MDGA2: variants seen among roughly 807,000 people sequenced by gnomAD.
MDGA2 encodes MAM domain-containing glycosylphosphatidylinositol anchor protein 2.
MDGA2 carries 40 observed loss-of-function variants against 117.8 expected under a neutral mutation model. The observed-to-expected ratio is 0.34, with a 90% CI of 0.26 to 0.44. The LOEUF is 0.44. Among genes scored for constraint, MDGA2 ranks in the 20% least tolerant of loss-of-function variants. MDGA2 has a pLI of 1.00. For missense variants in MDGA2, 1,123 were observed against 1,250.6 expected (o/e 0.90, Z 1.54); for synonymous variants, 452 against 439.0 (o/e 1.03, Z -0.37).
chr14:46,997,512 T>C (rs1325309821), intron 8 of MDGA2, among the ~76,000 whole-genome samples: 1 of 152,162 alleles, frequency 6.6e-6, no homozygotes, highest in African/African-American at 2.4e-5. Context: ...TGGGGGTTTG[T>C]TATTCTTAAA....
intron 1 of MDGA2, among the ~76,000 whole-genome samples, chr14:47,591,628 G>C (rs984663643): frequency 2.0e-5 from 3 of 152,112 alleles, no homozygotes; most frequent in Non-Finnish European, 4.4e-5. Context: ...CAGGATGCAA[G>C]TCTGGTTCAA....
intron 3 of MDGA2, among the ~76,000 whole-genome samples, chr14:47,154,163 C>T (rs1342839072): frequency 6.6e-6 from 1 of 152,120 alleles, no homozygotes; most frequent in Non-Finnish European, 1.5e-5. Flanking sequence ...GTTTGTTTTT[C>T]CTTAAGCTGA....
intron 3 of MDGA2, among the ~76,000 whole-genome samples, chr14:47,188,659 C>A (rs1884999637): frequency 6.6e-6 from 1 of 152,120 alleles, no homozygotes; most frequent in African/African-American, 2.4e-5. Flanking sequence ...AAATAAGATT[C>A]TCTTCTTAGG....
At chr14:46,959,753 A>G (rs1009586334) in intron 8 of MDGA2, among the ~76,000 whole-genome samples, 6 of 152,140 alleles carry the variant, frequency 3.9e-5, no homozygotes, top group Admixed American at 1.3e-4. Flanking sequence ...CTCTGTTTCT[A>G]CTACTCCGAT....
chr14:47,343,745 T>G (rs925498722), intron 1 of MDGA2, among the ~76,000 whole-genome samples: 1 of 152,190 alleles, frequency 6.6e-6, no homozygotes, highest in African/African-American at 2.4e-5. Flanking sequence ...TTCTTAAAGC[T>G]TTCCCTAGTG....
At chr14:47,085,372 TTAAAGTAAC>T (rs1890859892) in intron 6 of MDGA2, among the ~76,000 whole-genome samples, 1 of 152,174 alleles carries the variant, frequency 6.6e-6, no homozygotes, top group Non-Finnish European at 1.5e-5. Context: ...TGTTGGCTCT[TTAAAGTAAC>T]TAAGGAATTT....
intron 1 of MDGA2, among the ~76,000 whole-genome samples, chr14:47,651,606 T>G (rs1480977123): frequency 6.6e-6 from 1 of 151,888 alleles, no homozygotes; most frequent in Non-Finnish European, 1.5e-5. Flanking sequence ...ACAGGCTTGA[T>G]GTATGGATGT....
intron 6 of MDGA2, among the ~76,000 whole-genome samples, chr14:47,074,294 G>A (rs1890407409): frequency 6.7e-6 from 1 of 149,444 alleles, no homozygotes. Context: ...ATTCTCACCA[G>A]TAACAGAACT....
At chr14:47,230,815 A>G (rs1272250490) in intron 2 of MDGA2, among the ~76,000 whole-genome samples, 3 of 152,008 alleles carry the variant, frequency 2.0e-5, no homozygotes, top group Non-Finnish European at 4.4e-5. Flanking sequence ...TATACATTAA[A>G]GAGGACCATT....
intron 1 of MDGA2, among the ~76,000 whole-genome samples, chr14:47,306,833 G>C (rs912258111): frequency 2.5e-5 from 2 of 78,606 alleles, no homozygotes; most frequent in Admixed American, 3.6e-4. Context: ...GACAGAGAAA[G>C]AGAAAGAGGG....
intron 1 of MDGA2, among the ~76,000 whole-genome samples, chr14:47,667,614 A>G (rs1897998789): frequency 6.6e-6 from 1 of 152,198 alleles, no homozygotes; most frequent in Non-Finnish European, 1.5e-5. Context: ...CTGTTTTGCC[A>G]TTATTTAAAG....
intron 1 of MDGA2, among the ~76,000 whole-genome samples, chr14:47,587,345 CT>C (rs1896344435): frequency 6.6e-6 from 1 of 151,654 alleles, no homozygotes; most frequent in African/African-American, 2.4e-5. Context: ...ATATTTATTA[CT>C]TTTTTTAAAA....
intron 1 of MDGA2, among the ~76,000 whole-genome samples, chr14:47,342,256 TTATATA>T (rs10536485): frequency 0.033 from 4,488 of 134,042 alleles, 84 homozygotes; most frequent in Middle Eastern, 0.047. Context: ...CACAAAATGT[TTATATA>T]TATATATATA....
intron 14 of MDGA2, among the ~76,000 whole-genome samples, chr14:46,862,490 CAT>C (rs1487141317): frequency 6.7e-6 from 1 of 149,834 alleles, no homozygotes; most frequent in African/African-American, 2.4e-5. Flanking sequence ...AAGTTCTTAA[CAT>C]AATTTTACTT....
intron 14 of MDGA2, among the ~76,000 whole-genome samples, chr14:46,867,787 CAA>C (rs1881834634): frequency 6.6e-6 from 1 of 151,944 alleles, no homozygotes; most frequent in African/African-American, 2.4e-5. Context: ...TAACATTACT[CAA>C]GTGTACTTTT....
At chr14:47,333,198 A>G (rs2416051) in intron 1 of MDGA2, among the ~76,000 whole-genome samples, 147,122 of 152,012 alleles carry the variant, frequency 0.97, 71,376 homozygotes, top group East Asian at 1. Context: ...TCTATTTTTA[A>G]TTATTTGAGA....
chr14:46,964,919 CTT>C (rs746778179), intron 8 of MDGA2, among the ~76,000 whole-genome samples: 4 of 89,810 alleles, frequency 4.5e-5, no homozygotes, highest in Non-Finnish European at 6.0e-5. Context: ...TATATATTTA[CTT>C]TTTTTTTTTT....
chr14:47,205,667 A>G lies in MDGA2; in HGVS notation c.595+12354T>C, dbSNP rs190984176. On this transcript the variant is annotated intron_variant, in intron 3 of 16. Transcript: ENST00000399232. ...TTTCATCCAATTTTTTCATTTAGAA[A>G]GGAAAAAACAAGCTTAGATGTAGAA... is the stretch of plus-strand genomic sequence containing the variant. 5.7e-3 allele frequency among the ~76,000 whole-genome samples: 871 copies of G among 152,142 alleles called. 13 individuals are homozygous for G. The highest frequency in any genetic ancestry group is 9.9e-3 in the Non-Finnish European group (672 of 67,932).
At chr14:47,612,620 A>G (rs1896872595) in intron 1 of MDGA2, among the ~76,000 whole-genome samples, 1 of 152,196 alleles carries the variant, frequency 6.6e-6, no homozygotes, top group Non-Finnish European at 1.5e-5. Flanking sequence ...ATTACTGGCT[A>G]TGAGAAACTA....
Sources: gnomAD v4.1 joint callset for allele counts (sites outside exome capture counted in the v4.1 genomes callset) on GRCh38, gnomAD v4.1.1 for gene constraint, MANE v1.5 for transcripts, NCBI Gene and HGNC (gene_info 2026-07-23, HGNC 2026-07-21) for gene names.